ITGB1: variants seen among roughly 807,000 people sequenced by gnomAD.
ITGB1 encodes integrin beta-1.
In ITGB1, 24 loss-of-function variants were observed where a neutral mutation model predicts 86.5. That is an observed-to-expected ratio of 0.28 (90% CI 0.20 to 0.39). The LOEUF is 0.39. Ranked by LOEUF, ITGB1 falls within the 10% of genes least tolerant of loss-of-function variation. The pLI is 1.00. For synonymous variants in ITGB1, 323 were observed against 316.8 expected, an observed-to-expected ratio of 1.02 and a Z score of -0.21; for missense variants, 556 against 946.9, an observed-to-expected ratio of 0.59 and a Z score of 5.42.
chr10:32,947,672 T>A (rs1035726597), intron 1 of ITGB1, among the ~76,000 whole-genome samples: 4 of 152,112 alleles, frequency 2.6e-5, no homozygotes, highest in African/African-American at 9.7e-5. Flanking sequence ...AAACTAACGA[T>A]AAAAACAACT....
rs574516748 is a variant in ITGB1, at chr10:32,951,734, T to C, written c.-1+6411A>G. The C allele has an allele frequency of 7.9e-5, 12 of 152,322 alleles. 1 individual carries two copies. The South Asian group carries it at 2.3e-3, about 29-fold the overall frequency. 9.4% of individuals were successfully genotyped at this position (152,322 alleles called of 1,614,324 possible). A position where few individuals can be genotyped will look rare whatever the true frequency, so the allele number is the denominator to read the frequency against. ...TGCTGTTCCTTCTTTCCACTCTCTA[T>C]GCCTGCGGACTTTTTTGCCTTTCCC... is the stretch of plus-strand genomic sequence containing the variant. On this transcript the variant is annotated intron_variant, in intron 1 of 15. Transcript: ENST00000302278.
At chr10:32,912,957 C>G (rs774366000) in intron 11 of ITGB1, among the ~76,000 whole-genome samples, 1 of 152,152 alleles carries the variant, frequency 6.6e-6, no homozygotes, top group Admixed American at 6.5e-5. Context: ...CCCTCTGAGA[C>G]GAAGCTTCCA....
chr10:32,908,671 AGTGAGTTTACAAG>A, intron 14 of ITGB1, 137 bp from the exon 15 acceptor site: 1 of 624,286 alleles, frequency 1.6e-6, no homozygotes, highest in African/African-American at 1.8e-5. Flanking sequence ...AGAACTAACA[AGTGAGTTTACAAG>A]GTTGCAGGAT....
At chr10:32,953,037 A>G (rs2095045597) in intron 1 of ITGB1, among the ~76,000 whole-genome samples, 1 of 152,174 alleles carries the variant, frequency 6.6e-6, no homozygotes, top group African/African-American at 2.4e-5. Flanking sequence ...CATAACTCCT[A>G]ATAGGTAACA....
At chr10:32,952,428 T>C (rs1291899906) in intron 1 of ITGB1, among the ~76,000 whole-genome samples, 1 of 142,380 alleles carries the variant, frequency 7.0e-6, no homozygotes, top group African/African-American at 2.6e-5. Flanking sequence ...CTACCAAATG[T>C]GCTTTTTCAA....
At chr10:32,932,639 G>A (rs1370336286) in intron 2 of ITGB1, 39 bp from the exon 3 acceptor site, 2 of 1,114,408 alleles carry the variant, frequency 1.8e-6, no homozygotes, top group South Asian at 2.5e-5. Flanking sequence ...TTTATGTGAA[G>A]TGTCAGAGAG....
chr10:32,928,911 T>C (rs2094974229), intron 4 of ITGB1, among the ~76,000 whole-genome samples: 1 of 151,836 alleles, frequency 6.6e-6, no homozygotes, highest in Non-Finnish European at 1.5e-5. Flanking sequence ...TGGATGAAAA[T>C]GTAATTAAAA....
chr10:32,913,565 A>G (rs2094920896), intron 11 of ITGB1, among the ~76,000 whole-genome samples: 1 of 152,214 alleles, frequency 6.6e-6, no homozygotes, highest in Non-Finnish European at 1.5e-5. Context: ...AAGAAAGGAT[A>G]TCAGTGATTG....
intron 15 of ITGB1, among the ~76,000 whole-genome samples, chr10:32,904,612 A>T (rs981239715): frequency 9.2e-5 from 14 of 152,228 alleles, no homozygotes; most frequent in African/African-American, 3.1e-4. Flanking sequence ...AATTTCAATG[A>T]CATAATTGAC....
intron 1 of ITGB1, chr10:32,936,344 T>A (rs1423191689): frequency 6.6e-6 from 1 of 152,144 alleles, no homozygotes; most frequent in Admixed American, 6.6e-5. Flanking sequence ...GGAGAACTGC[T>A]TGAACCTGGG....
intron 13 of ITGB1, among the ~76,000 whole-genome samples, chr10:32,911,090 G>A (rs1288658258): frequency 6.6e-6 from 1 of 151,996 alleles, no homozygotes; most frequent in African/African-American, 2.4e-5. Flanking sequence ...TCCTTCAAGA[G>A]GAAAAATCTT....
At chr10:32,955,037 T>C (rs2095049723) in intron 1 of ITGB1, among the ~76,000 whole-genome samples, 1 of 152,196 alleles carries the variant, frequency 6.6e-6, no homozygotes, top group South Asian at 2.1e-4. Flanking sequence ...CTGCTAATAT[T>C]CTGACTTTTA....
At chr10:32,927,953 C>T in intron 5 of ITGB1, 141 bp downstream of exon 5, 1 of 545,780 alleles carries the variant, frequency 1.8e-6, no homozygotes, top group South Asian at 2.9e-5. Context: ...GGAATATCAA[C>T]TTCCACTCAG....
intron 3 of ITGB1, 150 bp downstream of exon 3, chr10:32,932,365 G>A (rs1255789232): frequency 7.9e-6 from 4 of 508,636 alleles, no homozygotes; most frequent in African/African-American, 5.8e-5. Flanking sequence ...CTGCCTAGTG[G>A]CTACTGTGTT....
intron 2 of ITGB1, among the ~76,000 whole-genome samples, chr10:32,933,992 C>T (rs1320611457): frequency 3.3e-5 from 5 of 152,110 alleles, no homozygotes; most frequent in African/African-American, 1.2e-4. Flanking sequence ...ACCCCAAGTA[C>T]ACATATACAC....
At chr10:32,909,695 G>A (rs761298957) in intron 14 of ITGB1, among the ~76,000 whole-genome samples, 1 of 151,706 alleles carries the variant, frequency 6.6e-6, no homozygotes, top group Non-Finnish European at 1.5e-5. Flanking sequence ...TTACCCAAGA[G>A]AAATGAAAGC....
chr10:32,911,277 T>C (rs952782727), intron 13 of ITGB1, among the ~76,000 whole-genome samples, 171 bp downstream of exon 13: 2 of 152,204 alleles, frequency 1.3e-5, no homozygotes, highest in East Asian at 3.8e-4. Context: ...ATGTAATATA[T>C]ACTAGCTGTT....
At chr10:32,935,416 A>G in intron 2 of ITGB1, 76 bp downstream of exon 2, 2 of 878,584 alleles carry the variant, frequency 2.3e-6, no homozygotes, top group South Asian at 1.4e-5. Context: ...TTAGGTTCTC[A>G]TATGAACCTA....
rs1285540906 is a variant in ITGB1 at position 32,932,148 on chromosome 10, T to C, written c.153+367A>G. ...TCTAATATGTGCCACAAAGATGAGC[T>C]ACAAATATATGTATTTTAAAATTGT... On this transcript the variant is annotated intron_variant, in intron 3 of 15. Transcript: ENST00000302278. 2.0e-5 allele frequency among the ~76,000 whole-genome samples: 3 copies of C among 152,078 alleles called. No homozygotes were observed. In the East Asian group the frequency reaches 5.8e-4, roughly 29 times the overall value.
Sources: gnomAD v4.1 joint callset for allele counts (sites outside exome capture counted in the v4.1 genomes callset) on GRCh38, gnomAD v4.1.1 for gene constraint, MANE v1.5 for transcripts, NCBI Gene and HGNC (gene_info 2026-07-23, HGNC 2026-07-21) for gene names.